The following FRMD5 variants were observed in gnomAD, a reference collection of about 807,000 sequenced individuals.
The protein encoded by FRMD5 is FERM domain containing 5.
FRMD5 carries 20 observed loss-of-function variants against 69.0 expected under a neutral mutation model. The observed-to-expected ratio is 0.29, with a 90% CI of 0.20 to 0.42. The LOEUF (loss-of-function observed/expected upper bound fraction) is 0.42, where lower values mean the gene tolerates loss of function less well. Ranked by LOEUF, FRMD5 falls within the 10% of genes least tolerant of loss-of-function variation. The probability of loss-of-function intolerance (pLI) is 1.00; values close to 1 mark genes in which losing one functional copy is unlikely to be tolerated. For synonymous variants in FRMD5, 271 were observed against 260.1 expected, an observed-to-expected ratio of 1.04 and a Z score of -0.40; for missense variants, 595 against 708.6, an observed-to-expected ratio of 0.84 and a Z score of 1.82.
intron 1 of FRMD5, among the ~76,000 whole-genome samples, chr15:44,144,234 A>C (rs1256603059): frequency 6.6e-6 from 1 of 152,120 alleles, no homozygotes; most frequent in East Asian, 1.9e-4. Flanking sequence ...ATATCTATAG[A>C]GTAGGTATTA....
intron 1 of FRMD5, among the ~76,000 whole-genome samples, chr15:44,146,118 G>A (rs575787098): frequency 5.3e-5 from 8 of 152,110 alleles, no homozygotes; most frequent in East Asian, 3.9e-4. Flanking sequence ...ATTAAGCCCC[G>A]CGTGCATTAG....
intron 1 of FRMD5, among the ~76,000 whole-genome samples, chr15:44,067,115 G>T (rs1211914913): frequency 6.6e-6 from 1 of 152,128 alleles, no homozygotes; most frequent in Non-Finnish European, 1.5e-5. Context: ...GAGTATAAAA[G>T]GGAAAAGAGT....
At chr15:44,050,057 T>C (rs1041412878) in intron 1 of FRMD5, among the ~76,000 whole-genome samples, 2 of 152,194 alleles carry the variant, frequency 1.3e-5, no homozygotes, top group African/African-American at 4.8e-5. Flanking sequence ...AATTTTAGTT[T>C]AGTGAATAAA....
intron 1 of FRMD5, among the ~76,000 whole-genome samples, chr15:43,961,361 T>C (rs1196289980): frequency 1.3e-5 from 2 of 152,080 alleles, no homozygotes; most frequent in East Asian, 1.9e-4. Context: ...CAGGAAGAAG[T>C]TGAATCTCTG....
chr15:43,991,623 G>A (rs1889682421), intron 1 of FRMD5, among the ~76,000 whole-genome samples: 1 of 152,212 alleles, frequency 6.6e-6, no homozygotes, highest in Admixed American at 6.5e-5. Context: ...TTGACCTTTT[G>A]ATCTGTCTTT....
Position 43,919,516 on chromosome 15 carries a change from C to T in FRMD5, c.272G>A (p.Cys91Tyr). The T allele has an allele frequency of 6.2e-7, 1 of 1,614,012 alleles. No homozygotes were observed. Among genetic ancestry groups the T allele is most frequent in the Non-Finnish European group, 8.5e-7 (1 of 1,180,016 alleles). ...QLRSQPPFTMCFRVKFYPADP... is the reference protein window; with the variant it reads ...QLRSQPPFTMYFRVKFYPADP... ...TGCAGGATAAAACTTCACACGGAAG[C>T]ACATGGTGAATGGAGGCTGGGCTGC... Residue 91 changes from cysteine to tyrosine, a missense_variant, in exon 4 of 14, where the codon TGC becomes TAC. By Grantham distance (194) the Cys-to-Tyr change is radical. Around this residue, in one of 5 missense-constraint regions of FRMD5, gnomAD observed 79 missense variants for 139.9 expected, o/e 0.56. Transcript: ENST00000417257.
At chr15:43,890,153 C>T (rs1441256562) in intron 8 of FRMD5, among the ~76,000 whole-genome samples, 3 of 152,166 alleles carry the variant, frequency 2.0e-5, no homozygotes, top group Non-Finnish European at 4.4e-5. Flanking sequence ...CAATCTCATA[C>T]ACACACAGTA....
chr15:44,162,967 G>A (rs561825660), intron 1 of FRMD5, among the ~76,000 whole-genome samples: 71 of 151,278 alleles, frequency 4.7e-4, no homozygotes, highest in African/African-American at 1.7e-3. Context: ...GAGATCAGGA[G>A]ATCGAGACCA....
intron 13 of FRMD5, among the ~76,000 whole-genome samples, chr15:43,878,912 TTTC>T (rs1338278666): frequency 3.3e-5 from 5 of 150,670 alleles, no homozygotes; most frequent in Non-Finnish European, 4.4e-5. Context: ...TAGATAGGCA[TTTC>T]TTTTTTTTTT....
At chr15:43,938,646 C>T (rs1297942066) in intron 1 of FRMD5, among the ~76,000 whole-genome samples, 1 of 152,106 alleles carries the variant, frequency 6.6e-6, no homozygotes, top group Non-Finnish European at 1.5e-5. Flanking sequence ...GCACTATTGG[C>T]CTGCTTCAAC....
chr15:43,918,053 T>G (rs1218288766), intron 4 of FRMD5, among the ~76,000 whole-genome samples: 1 of 152,184 alleles, frequency 6.6e-6, no homozygotes, highest in African/African-American at 2.4e-5. Flanking sequence ...CTTGGCCCCC[T>G]CCTCTCCCCA....
At chr15:44,050,073 T>TA (rs936928488) in intron 1 of FRMD5, among the ~76,000 whole-genome samples, 2 of 152,174 alleles carry the variant, frequency 1.3e-5, no homozygotes, top group Admixed American at 6.5e-5. Context: ...ATAAACTTTT[T>TA]AAAAAAATCA....
chr15:44,053,753 A>C (rs1892760644), intron 1 of FRMD5, among the ~76,000 whole-genome samples: 3 of 152,202 alleles, frequency 2.0e-5, no homozygotes, highest in Non-Finnish European at 4.4e-5. Context: ...AGATATCCAA[A>C]TGGAAAGGCT....
chr15:44,181,901 T>TCAAAA (rs899248698), intron 1 of FRMD5, among the ~76,000 whole-genome samples: 1 of 151,992 alleles, frequency 6.6e-6, no homozygotes, highest in Non-Finnish European at 1.5e-5. Flanking sequence ...AGACCGTGTC[T>TCAAAA]CAAAACAAAA....
chr15:43,873,144 G>C lies in FRMD5; in HGVS notation c.*741C>G, dbSNP rs1332661566. 5 of 1,543,764 alleles carry C rather than the reference G, an allele frequency of 3.2e-6. No individual in the cohort carries two copies. The highest frequency in any genetic ancestry group is 4.4e-6 in the Non-Finnish European group (5 of 1,141,396). ...TACAAAACTATGGTGATGCCCACTA[G>C]GCTCTAGACTAAGGGGACAGACTTA... On this transcript the variant is annotated 3_prime_UTR_variant, in exon 14 of 14. Transcript: ENST00000417257.
At chr15:44,085,006 C>T (rs1894139646) in intron 1 of FRMD5, among the ~76,000 whole-genome samples, 2 of 151,972 alleles carry the variant, frequency 1.3e-5, no homozygotes, top group South Asian at 4.2e-4. Flanking sequence ...GATCTGAGCA[C>T]CAAGAGATTT....
At chr15:44,182,153 G>T (rs903105177) in intron 1 of FRMD5, among the ~76,000 whole-genome samples, 2 of 150,932 alleles carry the variant, frequency 1.3e-5, no homozygotes, top group African/African-American at 4.9e-5. Context: ...TGGGATTACA[G>T]GTGTGCGCCA....
intron 1 of FRMD5, among the ~76,000 whole-genome samples, chr15:43,974,358 C>G (rs2140592596): frequency 6.6e-6 from 1 of 152,246 alleles, no homozygotes; most frequent in African/African-American, 2.4e-5. Flanking sequence ...GTGTCTTTCC[C>G]TTTTTGGACT....
chr15:44,186,233 G>A (rs2706461), intron 1 of FRMD5, among the ~76,000 whole-genome samples: 1 of 151,990 alleles, frequency 6.6e-6, no homozygotes, highest in Non-Finnish European at 1.5e-5. Flanking sequence ...GGCCTTTCTT[G>A]TGTTATGATC....
Sources: gnomAD v4.1 joint callset for allele counts (sites outside exome capture counted in the v4.1 genomes callset) on GRCh38, gnomAD v4.1.1 for gene constraint, gnomAD v4.1.1 regional missense constraint, MANE v1.5 for transcripts, NCBI Gene and HGNC (gene_info 2026-07-23, HGNC 2026-07-21) for gene names.